Variants in NAPB observed in about 807,000 individuals in gnomAD.
NAPB encodes the protein NSF attachment protein beta.
A neutral mutation model predicts 44.7 loss-of-function variants in NAPB; 26 were observed. That is an observed-to-expected ratio of 0.58 (90% CI 0.43 to 0.81). The LOEUF is 0.81. Ranked by LOEUF, NAPB falls within the 30% of genes least tolerant of loss-of-function variation. NAPB has a pLI of 0.00. For missense variants in NAPB, 315 were observed against 356.4 expected (o/e 0.88, Z 0.94); for synonymous variants, 120 against 116.8 (o/e 1.03, Z -0.18).
At chr20:23,385,800 A>C (rs1249692937) in intron 7 of NAPB, among the ~76,000 whole-genome samples, 1 of 152,126 alleles carries the variant, frequency 6.6e-6, no homozygotes, top group Non-Finnish European at 1.5e-5. Context: ...AAAGAAAGAA[A>C]GATCAGCAAG....
chr20:23,387,347 G>C (rs542094557), intron 7 of NAPB, among the ~76,000 whole-genome samples: 1 of 152,292 alleles, frequency 6.6e-6, no homozygotes, highest in South Asian at 2.1e-4. Flanking sequence ...AAGGATGTCT[G>C]CTCTTGTCAC....
intron 1 of NAPB, among the ~76,000 whole-genome samples, chr20:23,415,053 T>C (rs1486641178): frequency 1.3e-5 from 2 of 152,134 alleles, no homozygotes; most frequent in Non-Finnish European, 2.9e-5. Flanking sequence ...GATTGAGACA[T>C]AACTAAGTAA....
At position 23,392,694 on chromosome 20, in the gene NAPB, T is replaced by A. The variant is rs532705710; in HGVS notation, c.420+2228A>T. On this transcript the variant is annotated intron_variant, in intron 5 of 10. Coordinates refer to ENST00000377026, the MANE Select transcript of NAPB (RefSeq NM_022080.3). ...ACCATTCCTGGATAGTTTTTTTTTTTATATTTTTAGTAGAGATGGGGATTT... is the reference window on the plus strand; with the variant it reads ...ACCATTCCTGGATAGTTTTTTTTTTAATATTTTTAGTAGAGATGGGGATTT... 3.0e-4 allele frequency among the ~76,000 whole-genome samples: 45 copies of A among 150,308 alleles called. No individual in the cohort carries two copies. In the East Asian group the frequency reaches 6.3e-3, roughly 21 times the overall value.
chr20:23,393,073 G>A (rs1024356679), intron 5 of NAPB, among the ~76,000 whole-genome samples: 10 of 152,044 alleles, frequency 6.6e-5, no homozygotes, highest in African/African-American at 2.4e-4. Context: ...AGATACTGTG[G>A]CCATCCCAGA....
At position 23,374,923 on chromosome 20, in the gene NAPB, GAACT is replaced by G. The variant is rs1182716961; in HGVS notation, c.*2449_*2452del. 1.3e-5 allele frequency: 2 copies of G among 152,214 alleles called. No individual in the cohort carries two copies. The allele number at this position is 152,214 out of a possible 1,614,324, so 9.4% of individuals were successfully genotyped here. On this transcript the variant is annotated 3_prime_UTR_variant, in exon 11 of 11. Transcript: ENST00000377026. ...AGAAATATTAACTGACTTTGACTAT[GAACT>G]AACTCCAGATTTGCTAAAGTACAAG...
At chr20:23,401,881 G>GAATA (rs201849738) in intron 2 of NAPB, among the ~76,000 whole-genome samples, 2 of 152,044 alleles carry the variant, frequency 1.3e-5, no homozygotes, top group Admixed American at 6.6e-5. Flanking sequence ...ACTCTGTCTC[G>GAATA]AATAAATAAA....
Position 23,376,516 on chromosome 20 carries a change from A to ACAC in NAPB, c.*857_*859dup, listed in dbSNP as rs1189554066. 5.3e-5 allele frequency: 8 copies of ACAC among 152,254 alleles called. No individual in the cohort carries two copies. The highest frequency in any genetic ancestry group is 1.9e-4 in the African/African-American group (8 of 41,464). The allele number at this position is 152,254 out of a possible 1,614,324, so 9.4% of individuals were successfully genotyped here. On this transcript the variant is annotated 3_prime_UTR_variant, in exon 11 of 11. Transcript: ENST00000377026. ...GATTTCTATAGTCACAGCACAGAAC[A>ACAC]CACCACCTCAACGTGGGAAAGTGTA...
intron 1 of NAPB, among the ~76,000 whole-genome samples, chr20:23,418,395 T>C (rs995229097): frequency 5.3e-5 from 8 of 152,190 alleles, no homozygotes; most frequent in African/African-American, 1.9e-4. Context: ...ACATGCCATC[T>C]ATAAGGTAGG....
Position 23,394,930 on chromosome 20 carries a change from T to C in NAPB, c.412A>G (p.Ile138Val). The C allele has an allele frequency of 2.5e-6, 4 of 1,614,090 alleles. No homozygotes were observed. The highest frequency in any genetic ancestry group is 4.5e-5 in the East Asian group (2 of 44,884). The stretch of plus-strand genomic sequence containing the variant: ...GTGTGCCCACTGCTTACCTTCTCAA[T>C]GTCTACAAGTTCAGTCTCATAGATC... The part of the protein sequence containing the change: ...AEIYETELVD[I>V]EKAIAHYEQS... Residue 138 changes from isoleucine (I) to valine (V), a missense_variant, in exon 5 of 11, where the codon ATT (isoleucine) becomes GTT (valine). This residue lies in a region of NAPB where 179 missense variants were observed against 182.5 expected (regional missense o/e 0.98). Coordinates refer to ENST00000377026, the MANE Select transcript of NAPB (RefSeq NM_022080.3).
Position 23,383,683 on chromosome 20 carries a change from A to C in NAPB, c.562-2366T>G, listed in dbSNP as rs77398048. On this transcript the variant is annotated intron_variant, in intron 7 of 10. Transcript: ENST00000377026. Reference sequence around the variant, plus strand: ...TTTGTTGTCAGCAGACCTACCCTAAAAAAATGACAAAAGGAGGTTCTCTAA... The same window carrying C: ...TTTGTTGTCAGCAGACCTACCCTAACAAAATGACAAAAGGAGGTTCTCTAA... 4.5e-3 allele frequency among the ~76,000 whole-genome samples: 690 copies of C among 152,360 alleles called. 41 individuals are homozygous for C. The East Asian group carries it at 0.1, about 22-fold the overall frequency.
chr20:23,379,676 T>C (rs1312103965), intron 9 of NAPB, 181 bp from the exon 10 acceptor site: 25 of 665,090 alleles, frequency 3.8e-5, no homozygotes, highest in South Asian at 2.2e-4. Context: ...CAGGTGCCTA[T>C]TTCAGAACAC....
At chr20:23,421,205 C>A (rs1986398627) in intron 1 of NAPB, 100 bp downstream of exon 1, 1 of 1,016,960 alleles carries the variant, frequency 9.8e-7, no homozygotes, top group East Asian at 2.9e-5. Context: ...GGTCTGAGGG[C>A]CCCAGAGGTT....
At chr20:23,397,225 G>GT (rs1444064237) in intron 2 of NAPB, 37 bp from the exon 3 acceptor site, 1 of 1,588,228 alleles carries the variant, frequency 6.3e-7, no homozygotes, top group East Asian at 2.3e-5. Flanking sequence ...AGAGGAACAA[G>GT]TCCCCCCCAG....
intron 5 of NAPB, among the ~76,000 whole-genome samples, chr20:23,394,702 T>C (rs1228898341): frequency 2.6e-5 from 4 of 152,312 alleles, no homozygotes; most frequent in Non-Finnish European, 5.9e-5. Flanking sequence ...AAACAACAGG[T>C]GATCTCTGTA....
intron 2 of NAPB, among the ~76,000 whole-genome samples, chr20:23,401,279 C>T (rs1193736201): frequency 6.6e-6 from 1 of 152,162 alleles, no homozygotes; most frequent in Non-Finnish European, 1.5e-5. Flanking sequence ...TTCATTAACA[C>T]ATTTATGCCT....
chr20:23,418,315 T>C (rs1029620109), intron 1 of NAPB, among the ~76,000 whole-genome samples: 9 of 152,174 alleles, frequency 5.9e-5, no homozygotes, highest in African/African-American at 2.2e-4. Context: ...ATGAAAATGG[T>C]GACATTCTAT....
chr20:23,390,077 A>C (rs1983838106), intron 6 of NAPB, 47 bp from the exon 7 acceptor site: 1 of 1,596,520 alleles, frequency 6.3e-7, no homozygotes, highest in Non-Finnish European at 8.6e-7. Flanking sequence ...CAATGGAAAA[A>C]TAAAAGATGT....
In NAPB at chr20:23,418,781, C is replaced by CAAAA. The variant is rs921452946; in HGVS notation, c.98+2520_98+2523dup. ...TGAAACCCCGTCTCTACTAAAAATA[C>CAAAA]AAAAAAAAAAAAAAAATTAGCCGGG... On this transcript the variant is annotated intron_variant, in intron 1 of 10. Transcript: ENST00000377026. Among the ~76,000 whole-genome samples the CAAAA allele has an allele frequency of 7.5e-5, 9 of 120,510 alleles. 1 individual carries two copies. The highest frequency in any genetic ancestry group is 1.8e-4 in the African/African-American group (6 of 33,270). 79.1% of individuals were successfully genotyped at this position (120,510 alleles called of 152,430 possible).
intron 3 of NAPB, among the ~76,000 whole-genome samples, chr20:23,395,636 A>G (rs1455624328): frequency 6.6e-6 from 1 of 152,234 alleles, no homozygotes; most frequent in East Asian, 1.9e-4. Context: ...TCTACTCTCC[A>G]TGCAGCCAAA....
Sources: gnomAD v4.1 joint callset for allele counts (sites outside exome capture counted in the v4.1 genomes callset) on GRCh38, gnomAD v4.1.1 for gene constraint, gnomAD v4.1.1 regional missense constraint, MANE v1.5 for transcripts, NCBI Gene and HGNC (gene_info 2026-07-23, HGNC 2026-07-21) for gene names.